CCSER1: variants seen among roughly 807,000 people sequenced by gnomAD.
The protein encoded by CCSER1 is coiled-coil serine rich protein 1, also known as serine-rich coiled-coil domain-containing protein 1.
In CCSER1, 41 loss-of-function variants were observed where a neutral mutation model predicts 82.0. That is an observed-to-expected ratio of 0.50 (90% CI 0.39 to 0.65). The LOEUF is 0.65. CCSER1 is among the 30% of genes least tolerant of loss of function. The pLI is 0.00. For synonymous variants in CCSER1, 414 were observed against 383.9 expected (o/e 1.08, Z -0.92); for missense variants, 1,119 against 1,064.2 (o/e 1.05, Z -0.72).
chr4:90,385,780 A>T (rs183746277), intron 3 of CCSER1, among the ~76,000 whole-genome samples: 25 of 151,786 alleles, frequency 1.6e-4, no homozygotes, highest in Admixed American at 1.3e-4. Flanking sequence ...GGCCATTTGT[A>T]TATCTTCTTT....
intron 1 of CCSER1, among the ~76,000 whole-genome samples, chr4:90,157,531 G>A (rs930615868): frequency 1.3e-5 from 2 of 152,138 alleles, no homozygotes; most frequent in African/African-American, 4.8e-5. Context: ...TAGATTTGGT[G>A]TTTTCACATA....
At chr4:91,072,849 T>G (rs1721577441) in intron 9 of CCSER1, among the ~76,000 whole-genome samples, 1 of 152,102 alleles carries the variant, frequency 6.6e-6, no homozygotes, top group Non-Finnish European at 1.5e-5. Context: ...AAATAATCCA[T>G]GTAACATGTA....
intron 8 of CCSER1, among the ~76,000 whole-genome samples, chr4:90,858,700 G>C (rs1198047156): frequency 6.6e-6 from 1 of 151,798 alleles, no homozygotes; most frequent in East Asian, 1.9e-4. Context: ...GGTCACAGAC[G>C]CAACAAAGCC....
intron 8 of CCSER1, among the ~76,000 whole-genome samples, chr4:90,919,089 TAAA>T (rs71596538): frequency 0.071 from 6,142 of 87,080 alleles, 219 homozygotes; most frequent in African/African-American, 0.14. Flanking sequence ...GTTTCCACAG[TAAA>T]AAAAAAAAAA....
In CCSER1 at chr4:90,238,220, G is replaced by T. The variant is rs529710386; in HGVS notation, c.-41-70024G>T. Among the ~76,000 whole-genome samples the T allele has an allele frequency of 3.4e-4, 52 of 152,204 alleles. 1 individual carries two copies. In the South Asian group the frequency reaches 0.011, roughly 31 times the overall value. ...TATATAACTTCAGTTGTTTATCTGG[G>T]ATAATGGGGAGGTAGGGGTATGGTG... On this transcript the variant is annotated intron_variant, in intron 1 of 10. Transcript: ENST00000509176.
In CCSER1 at chr4:90,309,392, G is replaced by A. The variant is rs1425621812; in HGVS notation, c.1108G>A (p.Asp370Asn). 6.2e-7 allele frequency: 1 copy of A among 1,613,824 alleles called. No homozygotes were observed. The highest frequency in any genetic ancestry group is 1.1e-5 in the South Asian group (1 of 91,074). Residue 370 changes from aspartate to asparagine, a missense_variant, in exon 2 of 11, where the codon GAT becomes AAT. Transcript: ENST00000509176. ...CCACTCAGAGAGTAACCTACCAGCA[G>A]ATAGTGAAAGAGAAGAAAATATAGG... ...VSHSESNLPA[D>N]SEREENIGLQ...
intron 9 of CCSER1, among the ~76,000 whole-genome samples, chr4:91,063,211 T>G (rs975161248): frequency 1.3e-5 from 2 of 152,152 alleles, no homozygotes; most frequent in African/African-American, 4.8e-5. Context: ...CTACTTACTT[T>G]GCTTAATCCT....
At chr4:91,179,673 G>T (rs868483674) in intron 10 of CCSER1, among the ~76,000 whole-genome samples, 1 of 152,140 alleles carries the variant, frequency 6.6e-6, no homozygotes, top group African/African-American at 2.4e-5. Flanking sequence ...AATGTCTTCT[G>T]TATGCTTTTT....
chr4:91,430,431 T>C (rs1199994820), intron 10 of CCSER1, among the ~76,000 whole-genome samples: 1 of 152,196 alleles, frequency 6.6e-6, no homozygotes, highest in Non-Finnish European at 1.5e-5. Flanking sequence ...TGTGCTGACT[T>C]CCCAGTTAAA....
chr4:90,156,473 C>T (rs11932905), intron 1 of CCSER1, among the ~76,000 whole-genome samples: 42,906 of 151,820 alleles, frequency 0.28, 7,653 homozygotes, highest in East Asian at 0.65. Flanking sequence ...GACAGTGGGG[C>T]GTTAAAGTCT....
At chr4:90,533,320 C>T (rs1480210483) in intron 5 of CCSER1, among the ~76,000 whole-genome samples, 4 of 151,998 alleles carry the variant, frequency 2.6e-5, no homozygotes, top group African/African-American at 4.8e-5. Flanking sequence ...TGGTCTCCAT[C>T]TCCTGACCTA....
At chr4:90,238,027 C>T (rs537559987) in intron 1 of CCSER1, among the ~76,000 whole-genome samples, 5 of 152,222 alleles carry the variant, frequency 3.3e-5, no homozygotes, top group Admixed American at 2.6e-4. Context: ...TTTATCCGAG[C>T]CTTCAACAGC....
At chr4:90,739,309 C>T (rs973928625) in intron 7 of CCSER1, among the ~76,000 whole-genome samples, 1 of 152,190 alleles carries the variant, frequency 6.6e-6, no homozygotes, top group South Asian at 2.1e-4. Flanking sequence ...GCCTGTTGCC[C>T]TATTCTATTG....
Position 90,749,989 on chromosome 4 carries a change from T to C in CCSER1, c.2010+25998T>C, listed in dbSNP as rs187863288. On this transcript the variant is annotated intron_variant, in intron 7 of 10. Transcript: ENST00000509176. ...ACTTTTTAATGATTGCCATTCTAAC[T>C]GGTGTGAGATGATATCTCATTGTGG... Among the ~76,000 whole-genome samples the C allele has an allele frequency of 3.9e-3, 589 of 152,236 alleles. 3 individuals are homozygous for C. Among genetic ancestry groups the C allele is most frequent in the African/African-American group, 0.013 (560 of 41,556 alleles).
At chr4:91,174,217 G>A (rs1269398766) in intron 10 of CCSER1, among the ~76,000 whole-genome samples, 1 of 151,986 alleles carries the variant, frequency 6.6e-6, no homozygotes, top group South Asian at 2.1e-4. Context: ...ATTTTGGATG[G>A]CAGTCTTTTC....
chr4:91,533,038 A>G (rs759535623), intron 10 of CCSER1, among the ~76,000 whole-genome samples: 2 of 152,156 alleles, frequency 1.3e-5, no homozygotes, highest in Non-Finnish European at 2.9e-5. Context: ...TTATCTACCT[A>G]TTACATGCTG....
At chr4:91,462,230 T>C (rs1756546645) in intron 10 of CCSER1, among the ~76,000 whole-genome samples, 2 of 152,230 alleles carry the variant, frequency 1.3e-5, no homozygotes, top group African/African-American at 2.4e-5. Context: ...AATAATTTCC[T>C]CCTTATCATA....
At chr4:91,345,970 C>G (rs1748026166) in intron 10 of CCSER1, among the ~76,000 whole-genome samples, 2 of 151,756 alleles carry the variant, frequency 1.3e-5, no homozygotes, top group African/African-American at 4.9e-5. Context: ...GATTACTTCA[C>G]TTAGCAATAT....
chr4:90,480,530 C>T (rs184609786), intron 5 of CCSER1, among the ~76,000 whole-genome samples: 1 of 152,194 alleles, frequency 6.6e-6, no homozygotes, highest in African/African-American at 2.4e-5. Context: ...TTAAGTCTTT[C>T]ATCCATCTTG....
Sources: gnomAD v4.1 joint callset for allele counts (sites outside exome capture counted in the v4.1 genomes callset) on GRCh38, gnomAD v4.1.1 for gene constraint, MANE v1.5 for transcripts, NCBI Gene and HGNC (gene_info 2026-07-23, HGNC 2026-07-21) for gene names.